PPP2R2B: variants seen among roughly 807,000 people sequenced by gnomAD.
PPP2R2B encodes protein phosphatase 2 regulatory subunit Bbeta.
PPP2R2B carries 5 observed loss-of-function variants against 46.0 expected under a neutral mutation model. That is an observed-to-expected ratio of 0.11 (90% CI 0.06 to 0.23). The LOEUF is 0.23. Among genes scored for constraint, PPP2R2B ranks in the 10% least tolerant of loss-of-function variants. PPP2R2B has a pLI of 1.00. For synonymous variants in PPP2R2B, 215 were observed against 206.7 expected, an observed-to-expected ratio of 1.04 and a Z score of -0.34; for missense variants, 367 against 575.0, an observed-to-expected ratio of 0.64 and a Z score of 3.70.
chr5:146,845,618 A>G (rs1759953231), intron 2 of PPP2R2B, among the ~76,000 whole-genome samples: 1 of 152,174 alleles, frequency 6.6e-6, no homozygotes, highest in Non-Finnish European at 1.5e-5. Flanking sequence ...GCTGAAGAAC[A>G]GACACTGTGC....
At chr5:146,703,141 C>T (rs1387433038) in intron 2 of PPP2R2B, among the ~76,000 whole-genome samples, 1 of 152,196 alleles carries the variant, frequency 6.6e-6, no homozygotes, top group Non-Finnish European at 1.5e-5. Context: ...ACACTTCTAA[C>T]ATTAACCACT....
intron 1 of PPP2R2B, among the ~76,000 whole-genome samples, chr5:146,974,308 TAG>T (rs1752795343): frequency 6.6e-6 from 1 of 152,210 alleles, no homozygotes; most frequent in African/African-American, 2.4e-5. Context: ...TTAATTTATA[TAG>T]CCTTTAAAAC....
intron 1 of PPP2R2B, among the ~76,000 whole-genome samples, chr5:146,924,968 T>C (rs900520263): frequency 2.6e-5 from 4 of 152,214 alleles, no homozygotes; most frequent in African/African-American, 9.6e-5. Flanking sequence ...GTTCACCATA[T>C]GCGTTTTAAT....
rs1644575 is a variant in PPP2R2B, at chr5:146,653,542, G to T, written c.448-2818C>A. ...CCAGAGCTCAAAGCAGGACCCCAAG[G>T]GTCACAAAAGAAATGGAATCTGCAG... On this transcript the variant is annotated intron_variant, in intron 5 of 9. Transcript: ENST00000394411. Among the ~76,000 whole-genome samples, 584 of 152,072 alleles carry T rather than the reference G, an allele frequency of 3.8e-3. 5 individuals are homozygous for T. The highest frequency in any genetic ancestry group is 0.014 in the African/African-American group (565 of 41,454).
intron 2 of PPP2R2B, among the ~76,000 whole-genome samples, chr5:146,710,132 G>A (rs1194996): frequency 0.99 from 150,529 of 152,300 alleles, 74,390 homozygotes; most frequent in East Asian, 1. Context: ...CAACCATTCA[G>A]ATATGAAAGC....
chr5:147,041,028 T>C (rs140857987), intron 1 of PPP2R2B, among the ~76,000 whole-genome samples: 17 of 152,258 alleles, frequency 1.1e-4, no homozygotes, highest in African/African-American at 4.1e-4. Flanking sequence ...TTCCCAGGAA[T>C]GTCAGAAACA....
intron 1 of PPP2R2B, among the ~76,000 whole-genome samples, chr5:146,912,663 C>A (rs978360334): frequency 6.6e-6 from 1 of 151,888 alleles, no homozygotes; most frequent in Non-Finnish European, 1.5e-5. Flanking sequence ...TGCCACCATG[C>A]CTGGCTAATT....
intron 7 of PPP2R2B, among the ~76,000 whole-genome samples, chr5:146,631,701 C>T (rs1453371848): frequency 6.6e-6 from 1 of 152,190 alleles, no homozygotes. Context: ...TGTTCTAGCT[C>T]CACAGGAAAG....
At chr5:147,009,002 A>G (rs1250257014) in intron 1 of PPP2R2B, among the ~76,000 whole-genome samples, 2 of 152,174 alleles carry the variant, frequency 1.3e-5, no homozygotes, top group African/African-American at 4.8e-5. Context: ...TGTGTAATCT[A>G]TCTGAACTAA....
intron 1 of PPP2R2B, among the ~76,000 whole-genome samples, chr5:146,895,548 T>C (rs1762618986): frequency 6.6e-6 from 1 of 152,234 alleles, no homozygotes; most frequent in Admixed American, 6.5e-5. Context: ...CAGCAGTTTT[T>C]TGTTTGTTTC....
intron 1 of PPP2R2B, among the ~76,000 whole-genome samples, chr5:146,956,207 C>T (rs1201563212): frequency 6.7e-6 from 1 of 148,954 alleles, no homozygotes; most frequent in Non-Finnish European, 1.5e-5. Flanking sequence ...AAAAACCCCA[C>T]AATTTTCTCC....
intron 2 of PPP2R2B, among the ~76,000 whole-genome samples, chr5:146,874,131 C>A (rs566383728): frequency 6.6e-6 from 1 of 152,356 alleles, no homozygotes; most frequent in South Asian, 2.1e-4. Context: ...CCCAAGGCAT[C>A]TTGTGCCTTT....
intron 2 of PPP2R2B, among the ~76,000 whole-genome samples, chr5:146,804,228 C>G (rs1387159674): frequency 1.3e-5 from 2 of 152,002 alleles, no homozygotes; most frequent in Non-Finnish European, 2.9e-5. Flanking sequence ...GCACTACTTC[C>G]TATGCACTAG....
intron 2 of PPP2R2B, among the ~76,000 whole-genome samples, chr5:147,075,630 ATCTT>A: frequency 6.6e-6 from 1 of 152,202 alleles, no homozygotes; most frequent in Non-Finnish European, 1.5e-5. Context: ...CTCCCCAAAT[ATCTT>A]TCTTTTTCAG....
chr5:146,802,251 T>C (rs1294098275), intron 2 of PPP2R2B, among the ~76,000 whole-genome samples: 5 of 152,206 alleles, frequency 3.3e-5, no homozygotes, highest in Admixed American at 1.3e-4. Flanking sequence ...CTAGAATGCA[T>C]TGGATACTTC....
intron 5 of PPP2R2B, among the ~76,000 whole-genome samples, chr5:146,688,071 T>C (rs1778619539): frequency 1.3e-5 from 2 of 152,176 alleles, no homozygotes; most frequent in African/African-American, 4.8e-5. Context: ...CTGCTTTTTT[T>C]TTCTTCTACC....
chr5:146,652,552 T>C (rs1024040649), intron 5 of PPP2R2B, among the ~76,000 whole-genome samples: 7 of 152,070 alleles, frequency 4.6e-5, no homozygotes, highest in African/African-American at 1.7e-4. Flanking sequence ...TCCCTGAGAA[T>C]GTATGTATTG....
At chr5:146,665,326 C>T (rs897190466) in intron 5 of PPP2R2B, among the ~76,000 whole-genome samples, 1 of 152,222 alleles carries the variant, frequency 6.6e-6, no homozygotes, top group Non-Finnish European at 1.5e-5. Flanking sequence ...TAGCTTTCTG[C>T]AGCTTCTACA....
chr5:146,865,971 A>G (rs990600006), intron 2 of PPP2R2B, among the ~76,000 whole-genome samples: 3 of 152,156 alleles, frequency 2.0e-5, no homozygotes, highest in East Asian at 1.9e-4. Context: ...TTGGACCTCT[A>G]TTAGGTTCCC....
Sources: allele counts gnomAD v4.1 joint callset (sites outside exome capture counted in the v4.1 genomes callset), GRCh38; gene constraint gnomAD v4.1.1; transcripts MANE v1.5; gene names NCBI Gene and HGNC (gene_info 2026-07-23, HGNC 2026-07-21).